The following MAML1 variants were observed in gnomAD, a reference collection of about 807,000 sequenced individuals.
MAML1 encodes mastermind-like protein 1.
A neutral mutation model predicts 77.1 loss-of-function variants in MAML1; 14 were observed. The ratio of observed to expected loss-of-function variants is 0.18; its 90% CI spans 0.12 to 0.28. The LOEUF (loss-of-function observed/expected upper bound fraction) is 0.28. Ranked by LOEUF, MAML1 falls within the 10% of genes least tolerant of loss-of-function variation. The pLI, the probability that MAML1 is intolerant of heterozygous loss-of-function variation, is 1.00. For missense variants in MAML1, 1,217 were observed against 1,327.8 expected, an observed-to-expected ratio of 0.92 and a Z score of 1.30; for synonymous variants, 516 against 551.9, an observed-to-expected ratio of 0.93 and a Z score of 0.91.
At position 179,771,191 on chromosome 5, in the gene MAML1, G is replaced by A; in HGVS notation, c.2016G>A (p.Gln672=). 1 of 1,614,126 alleles carries A rather than the reference G, an allele frequency of 6.2e-7. No homozygotes were observed. Among genetic ancestry groups the A allele is most frequent in the South Asian group, 1.1e-5 (1 of 91,088 alleles). The change falls in exon 4 of 5, where the codon CAG becomes CAA. Residue 672 remains glutamine, a synonymous_variant. Transcript: ENST00000292599. The surrounding 1 kb of genome is among the most constrained non-coding windows in gnomAD (Gnocchi z 4.7). Reference sequence around the variant, plus strand: ...GCCATCTGACCCGCCCACCACCCCAGTACCAAGACCCGACACAAGGCAGCT... The same window carrying A: ...GCCATCTGACCCGCCCACCACCCCAATACCAAGACCCGACACAAGGCAGCT... ...FQRHLTRPPP[Q]YQDPTQGSFP...
At position 179,733,111 on chromosome 5, in the gene MAML1, C is replaced by G; in HGVS notation, c.-2C>G. The G allele has an allele frequency of 7.1e-7, 1 of 1,406,050 alleles. No individual in the cohort carries two copies. Among genetic ancestry groups the G allele is most frequent in the Non-Finnish European group, 9.2e-7 (1 of 1,081,562 alleles). The allele number at this position is 1,406,050 out of a possible 1,614,324, so 87.1% of individuals were successfully genotyped here. ...GGGCCCGGCCCGTGCAGCCCGCGGC[C>G]CATGGTGCTGCCCACCTGCCCCATG... is the stretch of plus-strand genomic sequence containing the variant. On this transcript the variant is annotated 5_prime_UTR_variant, in exon 1 of 5. Transcript: ENST00000292599.
In MAML1 at chr5:179,765,617, A is replaced by T; in HGVS notation, c.607A>T (p.Asn203Tyr). The T allele has an allele frequency of 6.2e-7, 1 of 1,614,234 alleles. No individual in the cohort carries two copies. Among genetic ancestry groups the T allele is most frequent in the Non-Finnish European group, 8.5e-7 (1 of 1,180,042 alleles). ...DSSLHLNGGS[N>Y]PSESFPLSLN... Reference sequence around the variant, plus strand: ...CAGCCTTCACTTGAATGGAGGCAGTAACCCCAGTGAGTCATTTCCTCTGAG... The same window carrying T: ...CAGCCTTCACTTGAATGGAGGCAGTTACCCCAGTGAGTCATTTCCTCTGAG... Residue 203 changes from asparagine to tyrosine, a missense_variant, in exon 2 of 5, where the codon AAC becomes TAC. Coordinates refer to ENST00000292599, the MANE Select transcript of MAML1 (RefSeq NM_014757.5).
At position 179,774,183 on chromosome 5, in the gene MAML1, A is replaced by G. The variant is rs768499393; in HGVS notation, c.2357A>G (p.Asn786Ser). The G allele has an allele frequency of 1.6e-5, 26 of 1,613,402 alleles. No homozygotes were observed. Among genetic ancestry groups the G allele is most frequent in the South Asian group, 6.6e-5 (6 of 91,086 alleles). ...CATGCCCACATTCCACGGCAGACCA[A>G]CGTGGGCCAGAACACCTCCGTCTCA... is the stretch of plus-strand genomic sequence containing the variant. ...NGHAHIPRQT[N>S]VGQNTSVSAA... Residue 786 changes from asparagine to serine, a missense_variant, in exon 5 of 5, where the codon AAC (asparagine) becomes AGC (serine). Asn to Ser is a conservative substitution (Grantham distance 46). Around this residue, in one of 3 missense-constraint regions of MAML1, gnomAD observed 884 missense variants for 949.3 expected, o/e 0.93. Coordinates refer to ENST00000292599, the MANE Select transcript of MAML1 (RefSeq NM_014757.5).
At chr5:179,768,168 TC>T (rs34316628) in intron 2 of MAML1, among the ~76,000 whole-genome samples, 2 of 152,148 alleles carry the variant, frequency 1.3e-5, no homozygotes, top group African/African-American at 2.4e-5. Flanking sequence ...AAAGTGTTCT[TC>T]CCCTAGGCCG....
chr5:179,739,932 G>C (rs911871655), intron 1 of MAML1, among the ~76,000 whole-genome samples: 63 of 152,290 alleles, frequency 4.1e-4, no homozygotes, highest in Middle Eastern at 3.4e-3. Context: ...TAGCGAATAG[G>C]ACAAATTAAA....
chr5:179,735,321 A>G (rs1187982749), intron 1 of MAML1, among the ~76,000 whole-genome samples: 1 of 152,226 alleles, frequency 6.6e-6, no homozygotes, highest in Non-Finnish European at 1.5e-5. Context: ...TGACCAGCCT[A>G]ACCCACAGCA....
At chr5:179,735,177 T>TAATA (rs138502481) in intron 1 of MAML1, among the ~76,000 whole-genome samples, 12 of 151,954 alleles carry the variant, frequency 7.9e-5, no homozygotes, top group African/African-American at 1.7e-4. Context: ...AGTATGATAA[T>TAATA]AATAAATAAA....
At chr5:179,757,435 G>A (rs1779642957) in intron 1 of MAML1, among the ~76,000 whole-genome samples, 1 of 152,092 alleles carries the variant, frequency 6.6e-6, no homozygotes, top group Non-Finnish European at 1.5e-5. Flanking sequence ...AGGCATGGTG[G>A]CGGGTGCCTG....
rs539696302 is a variant in MAML1, at chr5:179,768,945, C to G, written c.1827C>G (p.Ser609=). 6.2e-7 allele frequency: 1 copy of G among 1,614,192 alleles called. No homozygotes were observed. The highest frequency in any genetic ancestry group is 2.2e-5 in the East Asian group (1 of 44,886). The change falls in exon 3 of 5, where the codon TCC becomes TCG. Residue 609 remains serine, a synonymous_variant. Coordinates refer to ENST00000292599, the MANE Select transcript of MAML1 (RefSeq NM_014757.5). ...AVSVASSHNS[S]PYLSSQQQAA... ...CCGTGGCCAGCTCCCACAACAGCTC[C>G]CCCTATCTCAGCAGCCAGCAACAGG...
chr5:179,751,006 G>A (rs528057511), intron 1 of MAML1, among the ~76,000 whole-genome samples: 24 of 151,960 alleles, frequency 1.6e-4, no homozygotes, highest in African/African-American at 2.7e-4. Flanking sequence ...TCAGAATCTC[G>A]CTCTGTCACC....
At chr5:179,764,868 G>A (rs1488260382) in intron 1 of MAML1, among the ~76,000 whole-genome samples, 2 of 152,118 alleles carry the variant, frequency 1.3e-5, no homozygotes, top group Non-Finnish European at 2.9e-5. Context: ...GGAGGTTGAG[G>A]CATGAGAATT....
rs376562063 is a variant in MAML1 at position 179,755,087 on chromosome 5, A to T, written c.316-10239A>T. On this transcript the variant is annotated intron_variant, in intron 1 of 4. Coordinates refer to ENST00000292599, the MANE Select transcript of MAML1 (RefSeq NM_014757.5). Reference sequence around the variant, plus strand: ...GGACTTTGAGACACAGCTTTAAATCAAATAGATCTGTGTCCAAATCCTGGT... The same window carrying T: ...GGACTTTGAGACACAGCTTTAAATCTAATAGATCTGTGTCCAAATCCTGGT... Among the ~76,000 whole-genome samples, 8 of 152,360 alleles carry T rather than the reference A, an allele frequency of 5.3e-5. No homozygotes were observed. In the East Asian group the frequency reaches 1.5e-3, roughly 29 times the overall value.
intron 1 of MAML1, among the ~76,000 whole-genome samples, chr5:179,746,143 C>T (rs1450758139): frequency 1.3e-5 from 2 of 150,976 alleles, no homozygotes; most frequent in Non-Finnish European, 2.9e-5. Flanking sequence ...GTCAGGAGTT[C>T]GAGACTAACC....
Position 179,768,960 on chromosome 5 carries a change from C to T in MAML1, c.1842C>T (p.Ser614=). The change falls in exon 3 of 5, where the codon AGC becomes AGT. Residue 614 remains serine (S), a synonymous_variant. Coordinates refer to ENST00000292599, the MANE Select transcript of MAML1 (RefSeq NM_014757.5). The part of the protein sequence containing the change: ...SSHNSSPYLS[S]QQQAAVMKQH... ...ACAACAGCTCCCCCTATCTCAGCAGCCAGCAACAGGCCGCTGTAATGAAGC... is the reference window on the plus strand; with the variant it reads ...ACAACAGCTCCCCCTATCTCAGCAGTCAGCAACAGGCCGCTGTAATGAAGC... 1 of 1,614,244 alleles carries T rather than the reference C, an allele frequency of 6.2e-7. No homozygotes were observed. Among genetic ancestry groups the T allele is most frequent in the Middle Eastern group, 1.6e-4 (1 of 6,062 alleles).
At chr5:179,765,177 A>G (rs1779793664) in intron 1 of MAML1, 149 bp from the exon 2 acceptor site, 4 of 649,934 alleles carry the variant, frequency 6.2e-6, no homozygotes, top group Non-Finnish European at 1.0e-5. Flanking sequence ...CGTCAGGGAA[A>G]ATGGAGGTGT....
chr5:179,770,277 T>C (rs1284099221), intron 3 of MAML1, among the ~76,000 whole-genome samples: 3 of 151,974 alleles, frequency 2.0e-5, no homozygotes, highest in Admixed American at 2.0e-4. Flanking sequence ...TGAAACCCCG[T>C]CTCTACTAAA....
chr5:179,773,872 C>A, intron 4 of MAML1, 23 bp from the exon 5 acceptor site: 1 of 1,594,126 alleles, frequency 6.3e-7, no homozygotes, highest in Non-Finnish European at 8.6e-7. Context: ...CTCCTGACTG[C>A]CAGACTCTTC....
intron 1 of MAML1, among the ~76,000 whole-genome samples, chr5:179,755,715 T>A (rs995119505): frequency 8.6e-5 from 13 of 151,574 alleles, no homozygotes; most frequent in Admixed American, 5.3e-4. Flanking sequence ...TTTTTTTTTT[T>A]AAGCTCATCA....
intron 1 of MAML1, among the ~76,000 whole-genome samples, chr5:179,756,195 G>T (rs1431464767): frequency 6.6e-6 from 1 of 151,398 alleles, no homozygotes; most frequent in Non-Finnish European, 1.5e-5. Context: ...GGAGGCCGAG[G>T]CAGGTGGATC....
Sources: gnomAD v4.1 joint callset for allele counts (sites outside exome capture counted in the v4.1 genomes callset) on GRCh38, gnomAD v4.1.1 for gene constraint, gnomAD v4.1.1 regional missense constraint, Gnocchi (gnomAD v3.1) non-coding constraint, MANE v1.5 for transcripts, NCBI Gene and HGNC (gene_info 2026-07-23, HGNC 2026-07-21) for gene names.